The following BBS12 variants were observed in gnomAD, a reference collection of about 807,000 sequenced individuals.
The protein encoded by BBS12 is chaperonin-containing T-complex member BBS12.
A neutral mutation model predicts 5.6 loss-of-function variants in BBS12; 5 were observed. The ratio of observed to expected loss-of-function variants is 0.89; its 90% CI spans 0.46 to 1.86. The LOEUF (loss-of-function observed/expected upper bound fraction) is 1.86, where lower values mean the gene tolerates loss of function less well. Ranked by LOEUF, BBS12 falls within the 40% of genes most tolerant of loss-of-function variation. BBS12 has a pLI of 0.01. For missense variants in BBS12, 748 were observed against 830.4 expected, an observed-to-expected ratio of 0.90 and a Z score of 1.22; for synonymous variants, 308 against 306.8, an observed-to-expected ratio of 1.00 and a Z score of -0.04.
rs754811440 is a variant in BBS12 at position 122,741,967 on chromosome 4, A to C, written c.75A>C (p.Thr25=). 5 of 1,613,714 alleles carry C rather than the reference A, an allele frequency of 3.1e-6. No homozygotes were observed. Among genetic ancestry groups the C allele is most frequent in the Non-Finnish European group, 4.2e-6 (5 of 1,179,870 alleles). The change falls in exon 2 of 2, where the codon ACA becomes ACC. Residue 25 remains threonine (T), a synonymous_variant. Transcript: ENST00000314218. Reference sequence around the variant, plus strand: ...AACAACTTTCATCATTCGCGGAAACAGGAAGAACTTTCCTAGGCCCACTAA... The same window carrying C: ...AACAACTTTCATCATTCGCGGAAACCGGAAGAACTTTCCTAGGCCCACTAA... ...GLQQLSSFAE[T]GRTFLGPLKS...
intron 1 of BBS12, among the ~76,000 whole-genome samples, chr4:122,738,689 A>T (rs1358611765): frequency 6.6e-6 from 1 of 152,216 alleles, no homozygotes; most frequent in African/African-American, 2.4e-5. Flanking sequence ...CTCTATTTTT[A>T]AATGGTCAAA....
the BBS12 span, among the ~76,000 whole-genome samples, chr4:122,727,202 A>G: frequency 6.6e-6 from 1 of 152,212 alleles, no homozygotes; most frequent in African/African-American, 2.4e-5. Context: ...ACAAAGATTA[A>G]TCTCTTTTGT....
the BBS12 span, among the ~76,000 whole-genome samples, chr4:122,712,634 A>T: frequency 6.6e-6 from 1 of 152,132 alleles, no homozygotes; most frequent in African/African-American, 2.4e-5. Flanking sequence ...AAAATACAGA[A>T]ATCTCCCCTG....
At chr4:122,721,933 A>T in the BBS12 span, among the ~76,000 whole-genome samples, 1 of 152,204 alleles carries the variant, frequency 6.6e-6, no homozygotes, top group Non-Finnish European at 1.5e-5. Flanking sequence ...ACATGCTTTA[A>T]AAACAGAGTT....
chr4:122,729,876 GGCAGAGGTTGCATTGAGCCGAGATC>G (rs1180573811), upstream of BBS12: 1 of 152,144 alleles, frequency 6.6e-6, no homozygotes. Flanking sequence ...GAGCCCAGGA[GGCAGAGGTTGCATTGAGCCGAGATC>G]GCACCACTGC....
chr4:122,743,591 G>A lies in BBS12; in HGVS notation c.1699G>A (p.Gly567Arg). The part of the protein sequence containing the change: ...SLKKENHACS[G>R]WLHNTSSWLA... ...GAAAAAAGAAAACCATGCCTGCTCA[G>A]GGTGGCTGCATAATACTTCCTCTTG... Residue 567 changes from glycine to arginine, a missense_variant, in exon 2 of 2, where the codon GGG becomes AGG. By Grantham distance (125) the Gly-to-Arg change is moderately radical. Coordinates refer to ENST00000314218, the MANE Select transcript of BBS12 (RefSeq NM_152618.3). 1.2e-6 allele frequency: 2 copies of A among 1,614,196 alleles called. No homozygotes were observed. Among genetic ancestry groups the A allele is most frequent in the Non-Finnish European group, 1.7e-6 (2 of 1,180,038 alleles).
At chr4:122,702,520 T>A in the BBS12 span, among the ~76,000 whole-genome samples, 4 of 152,284 alleles carry the variant, frequency 2.6e-5, no homozygotes, top group East Asian at 5.8e-4. Flanking sequence ...TCTTGGACAA[T>A]GTCTGCAGGG....
chr4:122,724,086 G>A, the BBS12 span, among the ~76,000 whole-genome samples: 3 of 152,126 alleles, frequency 2.0e-5, no homozygotes, highest in Non-Finnish European at 4.4e-5. Context: ...CAAGATGGAG[G>A]ACTATAGCAG....
At position 122,743,113 on chromosome 4, in the gene BBS12, CA is replaced by C; in HGVS notation, c.1223del (p.Lys408ArgfsTer2). 1 of 1,614,212 alleles carries C rather than the reference CA, an allele frequency of 6.2e-7. No individual in the cohort carries two copies. Among genetic ancestry groups the C allele is most frequent in the Non-Finnish European group, 8.5e-7 (1 of 1,180,042 alleles). On this transcript the variant is annotated frameshift_variant, in exon 2 of 2. Coordinates refer to ENST00000314218, the MANE Select transcript of BBS12 (RefSeq NM_152618.3). LOFTEE classifies it low-confidence loss of function (END_TRUNC). ...ACGTGTTACAGGTGTTAATCCAGTT[CA>C]AGGTGAACCTTGTCCTGGTACAAGG... ...NHVLQVLIQF[K>X]VNLVLVQGNV...
chr4:122,716,536 T>TACACATGTGTATATATAC, the BBS12 span, among the ~76,000 whole-genome samples: 1 of 148,772 alleles, frequency 6.7e-6, no homozygotes, highest in Non-Finnish European at 1.5e-5. Flanking sequence ...TATTTATATA[T>TACACATGTGTATATATAC]ACATATGTGT....
upstream of BBS12, chr4:122,729,789 T>G (rs1800674410): frequency 6.6e-6 from 1 of 151,956 alleles, no homozygotes; most frequent in African/African-American, 2.4e-5. Flanking sequence ...CTACTAAAAA[T>G]GCAAAAAATT....
chr4:122,726,128 T>C, the BBS12 span, among the ~76,000 whole-genome samples: 1 of 151,520 alleles, frequency 6.6e-6, no homozygotes, highest in Non-Finnish European at 1.5e-5. Flanking sequence ...GTCAGCAGAG[T>C]ACACAGACAA....
At chr4:122,710,425 A>C in the BBS12 span, among the ~76,000 whole-genome samples, 1 of 152,240 alleles carries the variant, frequency 6.6e-6, no homozygotes, top group Admixed American at 6.5e-5. Flanking sequence ...AATGCAGGGA[A>C]TCTGCATAGC....
At chr4:122,702,199 C>A in the BBS12 span, among the ~76,000 whole-genome samples, 7 of 152,172 alleles carry the variant, frequency 4.6e-5, no homozygotes, top group African/African-American at 1.7e-4. Flanking sequence ...TGCCTCAGCA[C>A]CCACAGTAGC....
chr4:122,703,031 T>C, the BBS12 span, among the ~76,000 whole-genome samples: 2 of 152,328 alleles, frequency 1.3e-5, no homozygotes, highest in East Asian at 3.9e-4. Context: ...ACCATCCCAA[T>C]AAAAGCAAGC....
chr4:122,730,941 T>C (rs1188060730), upstream of BBS12: 1 of 152,214 alleles, frequency 6.6e-6, no homozygotes, highest in African/African-American at 2.4e-5. Context: ...TTTCTTCTTT[T>C]TCATCTTTTT....
At chr4:122,721,232 A>C in the BBS12 span, among the ~76,000 whole-genome samples, 66,235 of 151,976 alleles carry the variant, frequency 0.44, 16,061 homozygotes, top group East Asian at 0.65. Flanking sequence ...CAGATGGAAC[A>C]ACAAGCCAGC....
Position 122,742,455 on chromosome 4 carries a change from A to T in BBS12, c.563A>T (p.Asn188Ile). 1 of 1,614,176 alleles carries T rather than the reference A, an allele frequency of 6.2e-7. No homozygotes were observed. The highest frequency in any genetic ancestry group is 1.6e-4 in the Middle Eastern group (1 of 6,062). Residue 188 changes from asparagine to isoleucine, a missense_variant, in exon 2 of 2, where the codon AAC (asparagine) becomes ATC (isoleucine). Coordinates refer to ENST00000314218, the MANE Select transcript of BBS12 (RefSeq NM_152618.3). ...GCCTCTCAAACACTGACCATTTCCA[A>T]CCTTTCTGGGAGACCTCTTAAATCA... ...DVASQTLTIS[N>I]LSGRPLKSYE...
At position 122,743,781 on chromosome 4, in the gene BBS12, GCT is replaced by G. The variant is rs1560708847; in HGVS notation, c.1893_1894del (p.Pro632PhefsTer7). On this transcript the variant is annotated frameshift_variant, in exon 2 of 2. Coordinates refer to ENST00000314218, the MANE Select transcript of BBS12 (RefSeq NM_152618.3). LOFTEE classifies it high-confidence loss of function. ...CATCTGCAAAATGCCACAGACTCTG[GCT>G]CTCCTTCATCTTACATCTTGAATGA... The G allele has an allele frequency of 3.7e-6, 6 of 1,614,000 alleles. No homozygotes were observed. The highest frequency in any genetic ancestry group is 1.7e-5 in the Admixed American group (1 of 60,004).
Sources: allele counts gnomAD v4.1 joint callset (sites outside exome capture counted in the v4.1 genomes callset), GRCh38; gene constraint gnomAD v4.1.1; transcripts MANE v1.5; gene names NCBI Gene and HGNC (gene_info 2026-07-23, HGNC 2026-07-21).